Variants in TIAM2 observed in about 807,000 individuals in gnomAD.
The protein encoded by TIAM2 is TIAM Rac1 associated GEF 2.
In TIAM2, 80 loss-of-function variants were observed where a neutral mutation model predicts 152.9. That is an observed-to-expected ratio of 0.52 (90% confidence interval 0.44 to 0.63). TIAM2 has a LOEUF of 0.63. Ranked by LOEUF, TIAM2 falls within the 30% of genes least tolerant of loss-of-function variation. The pLI is 0.00. For missense variants in TIAM2, 1,965 were observed against 2,120.1 expected, an observed-to-expected ratio of 0.93 and a Z score of 1.44; for synonymous variants, 804 against 838.0, an observed-to-expected ratio of 0.96 and a Z score of 0.70.
intron 2 of TIAM2, among the ~76,000 whole-genome samples, chr6:155,103,824 T>G (rs1348777979): frequency 6.6e-6 from 1 of 151,228 alleles, no homozygotes; most frequent in African/African-American, 2.4e-5. Flanking sequence ...CTGATACATA[T>G]CTCTTTAAAT....
chr6:155,084,922 G>A (rs890778918), intron 1 of TIAM2, among the ~76,000 whole-genome samples: 2 of 152,162 alleles, frequency 1.3e-5, no homozygotes, highest in African/African-American at 4.8e-5. Flanking sequence ...TTATGATGTA[G>A]TCTTACCTAA....
intron 2 of TIAM2, among the ~76,000 whole-genome samples, chr6:155,113,177 G>A (rs1307885160): frequency 2.0e-5 from 3 of 151,762 alleles, no homozygotes; most frequent in East Asian, 1.9e-4. Context: ...TCTTCCCCTC[G>A]CTTGCTCTGC....
chr6:155,053,466 CT>C (rs11401916), intron 1 of TIAM2, among the ~76,000 whole-genome samples: 142 of 127,266 alleles, frequency 1.1e-3, no homozygotes, highest in African/African-American at 1.5e-3. Flanking sequence ...ATTCTTGCAG[CT>C]TTTTTTTTTT....
Position 155,127,859 on chromosome 6 carries a change from T to G in TIAM2, c.-7+259T>G, listed in dbSNP as rs1440094376. On this transcript the variant is annotated intron_variant, in intron 3 of 26. Coordinates refer to ENST00000682666, the MANE Select transcript of TIAM2 (RefSeq NM_012454.4). ...ATCACCTCCAACTGACCTAAAATAG[T>G]GATATACTGGTTTGAGTGAGAAACT... Among the ~76,000 whole-genome samples, 8 of 152,210 alleles carry G rather than the reference T, an allele frequency of 5.3e-5. No homozygotes were observed. The East Asian group carries it at 1.5e-3, about 29-fold the overall frequency.
intron 4 of TIAM2, 42 bp downstream of exon 4, chr6:155,130,459 C>T (rs748691924): frequency 4.5e-6 from 7 of 1,557,182 alleles, no homozygotes; most frequent in African/African-American, 4.1e-5. Flanking sequence ...CCCACAGTTT[C>T]CCCACCTGGA....
rs1450634677 is a variant in TIAM2, at chr6:155,174,782, G to A, written c.2362-2034G>A. Among the ~76,000 whole-genome samples, 2 of 152,164 alleles carry A rather than the reference G, an allele frequency of 1.3e-5. No homozygotes were observed. The highest frequency in any genetic ancestry group is 2.1e-4 in the South Asian group (1 of 4,820). ...CCCACACCTGTTTATCCATAATTAC[G>A]TTCTTCCTGATCTCCAAAAGTGCAG... is the stretch of plus-strand genomic sequence containing the variant. On this transcript the variant is annotated intron_variant, in intron 9 of 26. Coordinates refer to ENST00000682666, the MANE Select transcript of TIAM2 (RefSeq NM_012454.4). The surrounding 1 kb of genome is among the most constrained non-coding windows in gnomAD (Gnocchi z 4.2).
In TIAM2 at chr6:154,995,973, C is replaced by G. The variant is rs1778205099; in HGVS notation, c.-209+481C>G. On this transcript the variant is annotated intron_variant, in intron 1 of 26. Coordinates refer to ENST00000682666, the MANE Select transcript of TIAM2 (RefSeq NM_012454.4). This position sits in a 1 kb window ranked among gnomAD's most constrained non-coding sequence, Gnocchi z 5.2. ...AAAGGCGCTGCGGCGAAGCAGGATC[C>G]CAGGCGGTCGGCTCAGCGAGTGTAG... 6.6e-6 allele frequency among the ~76,000 whole-genome samples: 1 copy of G among 152,198 alleles called. No homozygotes were observed. The highest frequency in any genetic ancestry group is 2.4e-5 in the African/African-American group (1 of 41,466).
At chr6:155,067,614 T>G (rs1701959170) in intron 1 of TIAM2, among the ~76,000 whole-genome samples, 1 of 145,110 alleles carries the variant, frequency 6.9e-6, no homozygotes. Flanking sequence ...CTAACCTAGT[T>G]AGATGAGGGT....
At position 155,186,626 on chromosome 6, in the gene TIAM2, G is replaced by A. The variant is rs1781048595; in HGVS notation, c.3064+3126G>A. Among the ~76,000 whole-genome samples, 1 of 152,104 alleles carries A rather than the reference G, an allele frequency of 6.6e-6. No individual in the cohort carries two copies. Among genetic ancestry groups the A allele is most frequent in the Non-Finnish European group, 1.5e-5 (1 of 68,032 alleles). ...GGAGTTCCTGTCTGTGGCATGTTCA[G>A]CCCAGCGTTTCACTTGGCAGGAATT... On this transcript the variant is annotated intron_variant, in intron 14 of 26. Transcript: ENST00000682666. This position sits in a 1 kb window ranked among gnomAD's most constrained non-coding sequence, Gnocchi z 4.5.
At chr6:155,099,429 C>T (rs184458440) in intron 2 of TIAM2, among the ~76,000 whole-genome samples, 13 of 152,146 alleles carry the variant, frequency 8.5e-5, no homozygotes, top group African/African-American at 3.1e-4. Flanking sequence ...TCAAAATTGA[C>T]TATTGATTTT....
intron 9 of TIAM2, among the ~76,000 whole-genome samples, chr6:155,172,676 ATATATATATATTTTTTTTTTTTTTT>A (rs1267615202): frequency 1.5e-4 from 2 of 13,070 alleles, no homozygotes; most frequent in East Asian, 2.4e-3. Flanking sequence ...ATATATATAT[ATATATATATATTTTTTTTTTTTTTT>A]TTTTTTTTTT....
chr6:155,117,771 C>T (rs949291337), intron 2 of TIAM2, among the ~76,000 whole-genome samples: 1 of 152,138 alleles, frequency 6.6e-6, no homozygotes, highest in African/African-American at 2.4e-5. Flanking sequence ...TGATTCTCCA[C>T]ATGTTTCATG....
In TIAM2 at chr6:155,127,534, G is replaced by T. The variant is rs1453652893; in HGVS notation, c.-73G>T. 4.4e-6 allele frequency: 2 copies of T among 455,670 alleles called. No homozygotes were observed. The highest frequency in any genetic ancestry group is 4.0e-5 in the African/African-American group (2 of 50,018). The allele number at this position is 455,670 out of a possible 1,614,324, so 28.2% of individuals were successfully genotyped here. ...TTTGCGTGCTTGTTAAATGTGCTGT[G>T]TTGCTCCCAAGACCATGTAAAGCCT... is the stretch of plus-strand genomic sequence containing the variant. On this transcript the variant is annotated 5_prime_UTR_variant, in exon 3 of 27. Transcript: ENST00000682666.
rs67332964 is a variant in TIAM2 at position 155,110,318 on chromosome 6, CTTT to C, written c.-117-17163_-117-17161del. Among the ~76,000 whole-genome samples the C allele has an allele frequency of 4.5e-3, 600 of 133,806 alleles. 9 individuals are homozygous for C. Among genetic ancestry groups the C allele is most frequent in the African/African-American group, 0.015 (535 of 36,008 alleles). The allele number at this position is 133,806 out of a possible 152,430, so 87.8% of individuals were successfully genotyped here. A position where few individuals can be genotyped will look rare whatever the true frequency, so the allele number is the denominator to read the frequency against. ...TCCTTCTTCCTTTCCTCTTTCTTTTCTTTTTTTTTTTGTTGTTCTTTCTTTCAT... is the reference window on the plus strand; with the variant it reads ...TCCTTCTTCCTTTCCTCTTTCTTTTCTTTTTTTTGTTGTTCTTTCTTTCAT... On this transcript the variant is annotated intron_variant, in intron 2 of 26. Coordinates refer to ENST00000682666, the MANE Select transcript of TIAM2 (RefSeq NM_012454.4).
At chr6:155,128,374 A>G (rs1562325209) in intron 3 of TIAM2, among the ~76,000 whole-genome samples, 1 of 152,056 alleles carries the variant, frequency 6.6e-6, no homozygotes, top group African/African-American at 2.4e-5. Context: ...CTAGAGCCCC[A>G]ACAGAGCCTG....
Position 155,198,531 on chromosome 6 carries a change from G to A in TIAM2, c.3065-12673G>A, listed in dbSNP as rs574871743. Among the ~76,000 whole-genome samples the A allele has an allele frequency of 5.3e-5, 8 of 151,994 alleles. No individual in the cohort carries two copies. In the East Asian group the frequency reaches 5.8e-4, roughly 11 times the overall value. On this transcript the variant is annotated intron_variant, in intron 14 of 26. Transcript: ENST00000682666. ...TACAAAATTAGCCAGGCATGGTGGC[G>A]TATGCCTGTAATCCCAGCTACTCGG...
intron 2 of TIAM2, among the ~76,000 whole-genome samples, chr6:155,107,057 G>T (rs1778710124): frequency 6.6e-6 from 1 of 152,184 alleles, no homozygotes; most frequent in African/African-American, 2.4e-5. Context: ...ATGAGCAGAA[G>T]GAAGAGTGAG....
intron 1 of TIAM2, among the ~76,000 whole-genome samples, chr6:155,001,491 C>A (rs1489618822): frequency 6.6e-6 from 1 of 152,142 alleles, no homozygotes; most frequent in African/African-American, 2.4e-5. Context: ...AAAAAAATGC[C>A]CACGGATGGT....
At chr6:155,085,692 G>T (rs1778158357) in intron 1 of TIAM2, among the ~76,000 whole-genome samples, 1 of 152,186 alleles carries the variant, frequency 6.6e-6, no homozygotes, top group African/African-American at 2.4e-5. Flanking sequence ...CAAGGGAAAA[G>T]AATGTAAGGT....
Sources: allele counts gnomAD v4.1 joint callset (sites outside exome capture counted in the v4.1 genomes callset), GRCh38; gene constraint gnomAD v4.1.1; non-coding constraint Gnocchi (gnomAD v3.1); transcripts MANE v1.5; gene names NCBI Gene and HGNC (gene_info 2026-07-23, HGNC 2026-07-21).